SIPA1L3: variants seen among roughly 807,000 people sequenced by gnomAD.
SIPA1L3 encodes signal induced proliferation associated 1 like 3.
In SIPA1L3, 59 loss-of-function variants were observed where a neutral mutation model predicts 150.1. That is an observed-to-expected ratio of 0.39 (90% CI 0.32 to 0.49). The LOEUF (loss-of-function observed/expected upper bound fraction) is 0.49, where lower values mean the gene tolerates loss of function less well. SIPA1L3 is among the 20% of genes least tolerant of loss of function. The probability of loss-of-function intolerance (pLI) is 0.86; values close to 1 mark genes in which losing one functional copy is unlikely to be tolerated. For missense variants in SIPA1L3, 2,211 were observed against 2,489.5 expected, an observed-to-expected ratio of 0.89 and a Z score of 2.38; for synonymous variants, 1,070 against 1,077.6, an observed-to-expected ratio of 0.99 and a Z score of 0.14.
chr19:37,910,596 C>T (rs2046369616), intron 1 of SIPA1L3, among the ~76,000 whole-genome samples: 1 of 151,462 alleles, frequency 6.6e-6, no homozygotes. Context: ...TTCTTCAAGA[C>T]TGATATTGCT....
intron 1 of SIPA1L3, among the ~76,000 whole-genome samples, chr19:37,911,314 G>C (rs1839778173): frequency 6.7e-6 from 1 of 149,584 alleles, no homozygotes; most frequent in South Asian, 2.1e-4. Context: ...CCCAAAAAAG[G>C]AGGGGGTAGG....
At chr19:38,031,588 T>C (rs1274504864) in intron 2 of SIPA1L3, among the ~76,000 whole-genome samples, 1 of 152,156 alleles carries the variant, frequency 6.6e-6, no homozygotes. Flanking sequence ...CAGTGCGTCA[T>C]TGTGGGGGTC....
chr19:38,103,316 A>G (rs1288289978), intron 6 of SIPA1L3, among the ~76,000 whole-genome samples: 1 of 151,872 alleles, frequency 6.6e-6, no homozygotes, highest in Non-Finnish European at 1.5e-5. Flanking sequence ...TATCATGTGT[A>G]TGTGTACATA....
At chr19:38,192,446 G>T (rs1347807769) in intron 17 of SIPA1L3, 136 bp downstream of exon 17, 4 of 792,654 alleles carry the variant, frequency 5.0e-6, no homozygotes, top group Admixed American at 3.2e-5. Flanking sequence ...TTTGGCATCT[G>T]CCAGTCCTGT....
At chr19:38,023,985 TTAGATTGGCCAGC>T (rs1253082965) in intron 1 of SIPA1L3, among the ~76,000 whole-genome samples, 1 of 151,982 alleles carries the variant, frequency 6.6e-6, no homozygotes, top group Admixed American at 6.6e-5. Context: ...CTCTGGCCGG[TTAGATTGGCCAGC>T]CCTTCTTCCT....
chr19:38,081,726 C>T lies in SIPA1L3; in HGVS notation c.161C>T (p.Pro54Leu), dbSNP rs1969985778. The change falls in exon 3 of 22, where the codon CCG (proline) becomes CTG (leucine). Residue 54 changes from proline (P) to leucine (L), a missense_variant. Pro to Leu is a moderately conservative substitution (Grantham distance 98). This residue lies in a region of SIPA1L3 where 130 missense variants were observed against 174.5 expected (regional missense o/e 0.74). Coordinates refer to ENST00000222345, the MANE Select transcript of SIPA1L3 (RefSeq NM_015073.3). ...ATGTCCCAGCCTCTTGGCGAGAGCC[C>T]GGCCACCGCCACCGCCACCGCCACC... ...GSMSQPLGES[P>L]ATATATATAT... 3.1e-6 allele frequency: 5 copies of T among 1,603,170 alleles called. No individual in the cohort carries two copies. Among genetic ancestry groups the T allele is most frequent in the African/African-American group, 1.3e-5 (1 of 74,754 alleles).
chr19:38,044,674 A>T (rs1280233567), intron 2 of SIPA1L3, among the ~76,000 whole-genome samples: 1 of 152,206 alleles, frequency 6.6e-6, no homozygotes, highest in African/African-American at 2.4e-5. Context: ...CACAATAAAA[A>T]TGTGTTAAAT....
intron 21 of SIPA1L3, among the ~76,000 whole-genome samples, chr19:38,204,861 C>T (rs1015490301): frequency 2.0e-5 from 3 of 152,198 alleles, no homozygotes; most frequent in Non-Finnish European, 4.4e-5. Context: ...CAAGGACGTT[C>T]GTTGCCACAC....
At chr19:38,191,827 C>T (rs977041099) in intron 16 of SIPA1L3, among the ~76,000 whole-genome samples, 9 of 152,068 alleles carry the variant, frequency 5.9e-5, no homozygotes, top group Admixed American at 5.2e-4. Flanking sequence ...CAAAAAAAAG[C>T]CTCTCCCCTC....
intron 1 of SIPA1L3, among the ~76,000 whole-genome samples, chr19:37,909,955 A>G (rs887862827): frequency 2.7e-5 from 4 of 146,002 alleles, no homozygotes; most frequent in Non-Finnish European, 5.9e-5. Flanking sequence ...GCTAACCTGA[A>G]GAAGTAAAGC....
chr19:38,114,402 G>A (rs1327355947), intron 8 of SIPA1L3, among the ~76,000 whole-genome samples: 8 of 143,348 alleles, frequency 5.6e-5, no homozygotes, highest in Non-Finnish European at 7.5e-5. Flanking sequence ...CAGCCTGGGC[G>A]ACAAGAGCGA....
intron 2 of SIPA1L3, among the ~76,000 whole-genome samples, chr19:38,064,824 A>G (rs1399277766): frequency 6.6e-6 from 1 of 152,204 alleles, no homozygotes; most frequent in East Asian, 1.9e-4. Flanking sequence ...TATTATCTCC[A>G]TTTTACAGAT....
intron 1 of SIPA1L3, among the ~76,000 whole-genome samples, chr19:38,001,683 C>T (rs1967810970): frequency 6.6e-6 from 1 of 152,242 alleles, no homozygotes; most frequent in Non-Finnish European, 1.5e-5. Context: ...CCGCCTTGGC[C>T]TCCCCAAGTG....
Position 38,082,883 on chromosome 19 carries a change from C to T in SIPA1L3, c.1318C>T (p.Arg440Cys). Residue 440 changes from arginine to cysteine, a missense_variant, in exon 3 of 22, where the codon CGC (arginine) becomes TGC (cysteine). Around this residue, in one of 5 missense-constraint regions of SIPA1L3, gnomAD observed 587 missense variants for 534.5 expected, o/e 1.10. Transcript: ENST00000222345. The stretch of plus-strand genomic sequence containing the variant: ...CAATGAGATCGGGGGCGAGTGTGAG[C>T]GCAACGTGAGCTTCTCCCGGGCTTC... ...FRNEIGGECE[R>C]NVSFSRASVG... The T allele has an allele frequency of 1.9e-6, 3 of 1,613,468 alleles. No individual in the cohort carries two copies. Among genetic ancestry groups the T allele is most frequent in the South Asian group, 2.2e-5 (2 of 91,086 alleles).
intron 2 of SIPA1L3, among the ~76,000 whole-genome samples, chr19:38,078,842 AC>A: frequency 1.3e-5 from 2 of 152,208 alleles, no homozygotes; most frequent in East Asian, 3.9e-4. Flanking sequence ...ACAGACGGCG[AC>A]CCACTTTCCC....
chr19:37,929,899 C>T lies in SIPA1L3; in HGVS notation c.-379+22541C>T, dbSNP rs560922860. On this transcript the variant is annotated intron_variant, in intron 1 of 21. Coordinates refer to ENST00000222345, the MANE Select transcript of SIPA1L3 (RefSeq NM_015073.3). ...TTTTAGAGACAGTCTTGTTCTGTCA[C>T]CCAGGCTAGAGTGCAGTGGTGTAAT... is the stretch of plus-strand genomic sequence containing the variant. 1.2e-4 allele frequency among the ~76,000 whole-genome samples: 18 copies of T among 152,228 alleles called. No homozygotes were observed. In the South Asian group the frequency reaches 3.3e-3, roughly 28 times the overall value.
intron 12 of SIPA1L3, among the ~76,000 whole-genome samples, chr19:38,148,717 T>A (rs918111982): frequency 6.6e-6 from 1 of 152,106 alleles, no homozygotes; most frequent in Non-Finnish European, 1.5e-5. Context: ...AGAGGGAAGC[T>A]CAAGCCAGCG....
chr19:38,161,411 C>T (rs1365241275), intron 13 of SIPA1L3, among the ~76,000 whole-genome samples: 1 of 148,466 alleles, frequency 6.7e-6, no homozygotes, highest in Non-Finnish European at 1.5e-5. Flanking sequence ...ATGTAAAGAA[C>T]TCTACTAACC....
intron 1 of SIPA1L3, among the ~76,000 whole-genome samples, chr19:37,921,504 G>C (rs2046457209): frequency 6.6e-6 from 1 of 152,032 alleles, no homozygotes; most frequent in Non-Finnish European, 1.5e-5. Flanking sequence ...CTGTGCTGTT[G>C]GTTTGCAGGG....
Sources: gnomAD v4.1 joint callset for allele counts (sites outside exome capture counted in the v4.1 genomes callset) on GRCh38, gnomAD v4.1.1 for gene constraint, gnomAD v4.1.1 regional missense constraint, MANE v1.5 for transcripts, NCBI Gene and HGNC (gene_info 2026-07-23, HGNC 2026-07-21) for gene names.